Variants in SLC49A4 observed in about 807,000 individuals in gnomAD.
The protein encoded by SLC49A4 is solute carrier family 49 member 4, also known as disrupted in renal cancer protein 2.
In SLC49A4, 36 loss-of-function variants were observed where a neutral mutation model predicts 50.6. The ratio of observed to expected loss-of-function variants is 0.71; its 90% confidence interval spans 0.55 to 0.94. The LOEUF is 0.94. Ranked by LOEUF, SLC49A4 falls within the 40% of genes least tolerant of loss-of-function variation. SLC49A4 has a pLI of 0.00. For synonymous variants in SLC49A4, 248 were observed against 241.2 expected (o/e 1.03, Z -0.26); for missense variants, 503 against 605.7 (o/e 0.83, Z 1.78).
chr3:122,832,460 A>G (rs900751160), intron 3 of SLC49A4, among the ~76,000 whole-genome samples: 1 of 152,100 alleles, frequency 6.6e-6, no homozygotes, highest in Non-Finnish European at 1.5e-5. Flanking sequence ...TTTAAATTCT[A>G]TTCCCTGTCT....
At chr3:122,860,765 A>G (rs906021844) in intron 7 of SLC49A4, among the ~76,000 whole-genome samples, 1 of 152,190 alleles carries the variant, frequency 6.6e-6, no homozygotes, top group African/African-American at 2.4e-5. Context: ...TCATCAATTC[A>G]GAGTCTATTT....
At chr3:122,822,668 C>A (rs760884640) in intron 2 of SLC49A4, among the ~76,000 whole-genome samples, 2 of 152,092 alleles carry the variant, frequency 1.3e-5, no homozygotes, top group Non-Finnish European at 2.9e-5. Context: ...CTTTAGTTGC[C>A]GTGATACCAG....
rs376428430 is a variant in SLC49A4 at position 122,806,996 on chromosome 3, T to C, written c.437+46T>C. 1.9e-5 allele frequency: 23 copies of C among 1,202,204 alleles called. No homozygotes were observed. In the African/African-American group the frequency reaches 3.2e-4, roughly 17 times the overall value. The allele number at this position is 1,202,204 out of a possible 1,614,324, so 74.5% of individuals were successfully genotyped here. A position where few individuals can be genotyped will look rare whatever the true frequency, so the allele number is the denominator to read the frequency against. On this transcript the variant is annotated intron_variant, in intron 2 of 8. Transcript: ENST00000261038. ...TTCTCCCCCATTTTTCATTTTATTA[T>C]GTGTATAAATTTTTAAGAAGATCAG...
In SLC49A4 at chr3:122,826,855, G is replaced by A; in HGVS notation, c.493G>A (p.Ala165Thr). The change falls in exon 3 of 9, where the codon GCA (alanine) becomes ACA (threonine). Residue 165 changes from alanine to threonine, a missense_variant. Coordinates refer to ENST00000261038, the MANE Select transcript of SLC49A4 (RefSeq NM_032839.3). ...ATTGGCAGGTCCAACTGTAATGAATGCAGCACCATTTCTCTCTACGACGTG... is the reference window on the plus strand; with the variant it reads ...ATTGGCAGGTCCAACTGTAATGAATACAGCACCATTTCTCTCTACGACGTG... ...NGLAGPTVMN[A>T]APFLSTTWFS... 6.2e-7 allele frequency: 1 copy of A among 1,614,140 alleles called. No individual in the cohort carries two copies. Among genetic ancestry groups the A allele is most frequent in the Non-Finnish European group, 8.5e-7 (1 of 1,179,956 alleles).
At position 122,801,484 on chromosome 3, in the gene SLC49A4, C is replaced by T. The variant is rs540395568; in HGVS notation, c.344-5373C>T. ...GTGGGCACCTGTAATCCCAGCTACT[C>T]GGGAGGCTGAGGCAGGAGAACACTT... On this transcript the variant is annotated intron_variant, in intron 1 of 8. Coordinates refer to ENST00000261038, the MANE Select transcript of SLC49A4 (RefSeq NM_032839.3). 2.4e-3 allele frequency among the ~76,000 whole-genome samples: 368 copies of T among 151,982 alleles called. 2 individuals carry two copies. Among genetic ancestry groups the T allele is most frequent in the African/African-American group, 8.0e-3 (331 of 41,458 alleles).
At chr3:122,797,510 A>G (rs2107552799) in intron 1 of SLC49A4, among the ~76,000 whole-genome samples, 1 of 152,346 alleles carries the variant, frequency 6.6e-6, no homozygotes, top group Middle Eastern at 3.4e-3. Flanking sequence ...TACAAGGAAG[A>G]ACCTTCTAAC....
intron 1 of SLC49A4, among the ~76,000 whole-genome samples, 172 bp downstream of exon 1, chr3:122,795,707 A>G (rs1936022218): frequency 6.6e-6 from 1 of 152,252 alleles, no homozygotes. Context: ...CCCCAAAGCG[A>G]CAAATATGGA....
intron 3 of SLC49A4, among the ~76,000 whole-genome samples, chr3:122,832,604 G>A (rs1016269982): frequency 6.6e-6 from 1 of 150,670 alleles, no homozygotes; most frequent in Non-Finnish European, 1.5e-5. Context: ...TTTCTTACCA[G>A]TTTTTTTTTC....
Position 122,879,747 on chromosome 3 carries a change from A to G in SLC49A4, c.*369A>G, listed in dbSNP as rs1336478299. ...TAAAGGGTGTCTATCATATGAAGATAACGCCTTCCCTAAGTCACATATCAG... is the reference window on the plus strand; with the variant it reads ...TAAAGGGTGTCTATCATATGAAGATGACGCCTTCCCTAAGTCACATATCAG... On this transcript the variant is annotated 3_prime_UTR_variant, in exon 9 of 9. Transcript: ENST00000261038. The G allele has an allele frequency of 1.3e-5, 2 of 159,744 alleles. No homozygotes were observed. The highest frequency in any genetic ancestry group is 2.7e-5 in the Non-Finnish European group (2 of 72,926). The allele number at this position is 159,744 out of a possible 1,614,324, so 9.9% of individuals were successfully genotyped here. A position where few individuals can be genotyped will look rare whatever the true frequency, so the allele number is the denominator to read the frequency against.
intron 1 of SLC49A4, among the ~76,000 whole-genome samples, chr3:122,800,202 C>T (rs181449205): frequency 3.3e-5 from 5 of 152,218 alleles, no homozygotes; most frequent in Admixed American, 3.3e-4. Flanking sequence ...GTGGAGCTTC[C>T]CTGGAGTAGA....
chr3:122,836,123 G>T (rs192031694), intron 4 of SLC49A4, among the ~76,000 whole-genome samples: 78 of 152,230 alleles, frequency 5.1e-4, no homozygotes, highest in Middle Eastern at 3.4e-3. Context: ...TGTGATATTG[G>T]CTGTGGGTTT....
chr3:122,869,680 A>C (rs1461319146), intron 7 of SLC49A4, among the ~76,000 whole-genome samples: 4 of 152,254 alleles, frequency 2.6e-5, no homozygotes, highest in Admixed American at 2.6e-4. Flanking sequence ...TTTCATCAGC[A>C]ATGTTTAACC....
intron 2 of SLC49A4, among the ~76,000 whole-genome samples, chr3:122,824,998 G>T (rs1374133597): frequency 1.3e-5 from 2 of 152,066 alleles, no homozygotes; most frequent in Non-Finnish European, 2.9e-5. Flanking sequence ...CTCCCAAAGT[G>T]CTGGGGTTAC....
chr3:122,811,097 T>G, intron 2 of SLC49A4, among the ~76,000 whole-genome samples: 1 of 152,330 alleles, frequency 6.6e-6, no homozygotes, highest in Middle Eastern at 3.4e-3. Context: ...ATTTAGATTA[T>G]CTTTATGATT....
At chr3:122,856,417 GA>G (rs776861161) in intron 6 of SLC49A4, 43 bp downstream of exon 6, 4 of 1,555,810 alleles carry the variant, frequency 2.6e-6, no homozygotes, top group Non-Finnish European at 3.5e-6. Flanking sequence ...AGAGCAGGGG[GA>G]AAAAGCCTAA....
chr3:122,862,245 G>A (rs1937066128), intron 7 of SLC49A4, among the ~76,000 whole-genome samples: 2 of 152,140 alleles, frequency 1.3e-5, no homozygotes, highest in Admixed American at 1.3e-4. Context: ...AACCAAAGAT[G>A]TGATTAATGG....
chr3:122,802,600 A>T (rs1047306963), intron 1 of SLC49A4, among the ~76,000 whole-genome samples: 7 of 152,230 alleles, frequency 4.6e-5, no homozygotes, highest in Non-Finnish European at 5.9e-5. Context: ...CTGGAATGGA[A>T]AAACCTCTGC....
intron 2 of SLC49A4, among the ~76,000 whole-genome samples, chr3:122,810,533 C>G (rs948635009): frequency 1.3e-5 from 2 of 152,122 alleles, no homozygotes; most frequent in Non-Finnish European, 2.9e-5. Flanking sequence ...TATATCTGCT[C>G]GTAATCATAG....
Position 122,845,820 on chromosome 3 carries a change from T to C in SLC49A4, c.891T>C (p.Ala297=). 1 of 1,612,936 alleles carries C rather than the reference T, an allele frequency of 6.2e-7. No individual in the cohort carries two copies. The highest frequency in any genetic ancestry group is 8.5e-7 in the Non-Finnish European group (1 of 1,179,514). ...LAYAIPLGVF[A]GWSGVLDLIL... Reference sequence around the variant, plus strand: ...ATGCCATACCACTTGGTGTATTTGCTGGCTGGTCTGGAGTTCTGGACTTAA... The same window carrying C: ...ATGCCATACCACTTGGTGTATTTGCCGGCTGGTCTGGAGTTCTGGACTTAA... The change falls in exon 5 of 9, where the codon GCT becomes GCC. Residue 297 remains alanine, a synonymous_variant. Transcript: ENST00000261038.
Sources: allele counts gnomAD v4.1 joint callset (sites outside exome capture counted in the v4.1 genomes callset), GRCh38; gene constraint gnomAD v4.1.1; transcripts MANE v1.5; gene names NCBI Gene and HGNC (gene_info 2026-07-23, HGNC 2026-07-21).